GALNT13: variants seen among roughly 807,000 people sequenced by gnomAD.
The protein encoded by GALNT13 is polypeptide N-acetylgalactosaminyltransferase 13.
Under a neutral mutation model 64.2 loss-of-function variants are expected in GALNT13, and 28 were observed. That is an observed-to-expected ratio of 0.44 (90% CI 0.32 to 0.60). The LOEUF is 0.60. GALNT13 is among the 20% of genes least tolerant of loss of function. The pLI is 0.05. For synonymous variants in GALNT13, 214 were observed against 224.6 expected (o/e 0.95, Z 0.42); for missense variants, 577 against 669.8 (o/e 0.86, Z 1.53).
the GALNT13 span, among the ~76,000 whole-genome samples, chr2:153,537,911 T>C: frequency 6.6e-6 from 1 of 152,230 alleles, no homozygotes; most frequent in African/African-American, 2.4e-5. Flanking sequence ...CTCAGGCAGT[T>C]CTTTATAGCA....
the GALNT13 span, among the ~76,000 whole-genome samples, chr2:153,583,933 A>G: frequency 2.0e-5 from 3 of 152,086 alleles, no homozygotes; most frequent in East Asian, 1.9e-4. Context: ...GCGGAAGGAG[A>G]GTTGCTATGA....
At chr2:153,977,803 G>C (rs1410704012) in intron 3 of GALNT13, among the ~76,000 whole-genome samples, 1 of 151,874 alleles carries the variant, frequency 6.6e-6, no homozygotes, top group African/African-American at 2.4e-5. Flanking sequence ...TTAAAATTAA[G>C]GTCCAAAATG....
chr2:154,365,252 A>T (rs1187622162), intron 9 of GALNT13, among the ~76,000 whole-genome samples: 2 of 152,148 alleles, frequency 1.3e-5, no homozygotes, highest in Admixed American at 1.3e-4. Context: ...CTAAGAATAG[A>T]TACGTTTTTT....
At chr2:153,754,598 A>G in the GALNT13 span, among the ~76,000 whole-genome samples, 1 of 152,214 alleles carries the variant, frequency 6.6e-6, no homozygotes, top group South Asian at 2.1e-4. Context: ...GCTCTGCTCA[A>G]GTAGTAGGAA....
At chr2:153,381,206 C>T in the GALNT13 span, among the ~76,000 whole-genome samples, 2 of 152,062 alleles carry the variant, frequency 1.3e-5, no homozygotes, top group Admixed American at 6.6e-5. Flanking sequence ...CTCATCCTCC[C>T]GAAGTGCTGG....
intron 3 of GALNT13, among the ~76,000 whole-genome samples, chr2:153,963,302 A>C (rs1224037284): frequency 2.6e-5 from 4 of 152,214 alleles, no homozygotes; most frequent in Non-Finnish European, 4.4e-5. Context: ...TGGATGGAGT[A>C]CAATTATCTT....
chr2:153,744,147 G>T, the GALNT13 span, among the ~76,000 whole-genome samples: 1 of 152,088 alleles, frequency 6.6e-6, no homozygotes, highest in Non-Finnish European at 1.5e-5. Flanking sequence ...TGGGAGTATA[G>T]CCATCTATTC....
chr2:153,617,563 T>C, the GALNT13 span, among the ~76,000 whole-genome samples: 3 of 152,136 alleles, frequency 2.0e-5, no homozygotes, highest in South Asian at 4.1e-4. Context: ...ATCAGAGTAA[T>C]ACTGGCCTTG....
intron 3 of GALNT13, among the ~76,000 whole-genome samples, chr2:153,965,964 A>ATGAGTGAC (rs767754892): frequency 3.9e-5 from 6 of 152,014 alleles, no homozygotes; most frequent in Non-Finnish European, 8.8e-5. Context: ...TACTACATAT[A>ATGAGTGAC]TGAGTGACAG....
chr2:153,727,217 G>A, the GALNT13 span, among the ~76,000 whole-genome samples: 1 of 152,086 alleles, frequency 6.6e-6, no homozygotes. Context: ...TATTGGTTTT[G>A]CCTGTTTGGG....
At chr2:153,419,161 A>G in the GALNT13 span, among the ~76,000 whole-genome samples, 1 of 152,198 alleles carries the variant, frequency 6.6e-6, no homozygotes, top group Admixed American at 6.5e-5. Context: ...GAAACTTACA[A>G]TCATGGTGGA....
the GALNT13 span, among the ~76,000 whole-genome samples, chr2:153,413,276 A>G: frequency 6.6e-6 from 1 of 152,144 alleles, no homozygotes; most frequent in African/African-American, 2.4e-5. Context: ...GATACTATCT[A>G]TACAGGTCAG....
At chr2:154,132,569 C>T (rs1195643966) in intron 3 of GALNT13, among the ~76,000 whole-genome samples, 1 of 152,064 alleles carries the variant, frequency 6.6e-6, no homozygotes, top group Non-Finnish European at 1.5e-5. Context: ...CACAAACACA[C>T]ATGCATATAC....
At chr2:153,704,731 A>G in the GALNT13 span, among the ~76,000 whole-genome samples, 22 of 152,180 alleles carry the variant, frequency 1.4e-4, no homozygotes, top group Admixed American at 1.4e-3. Flanking sequence ...CTTATTTCCA[A>G]TCAGATAGAA....
chr2:153,490,443 C>T, the GALNT13 span, among the ~76,000 whole-genome samples: 1 of 152,042 alleles, frequency 6.6e-6, no homozygotes, highest in Non-Finnish European at 1.5e-5. Flanking sequence ...TGCAGTGGCA[C>T]AATCTTGGCT....
chr2:153,872,893 C>G (rs190493116), intron 1 of GALNT13, among the ~76,000 whole-genome samples: 1 of 152,250 alleles, frequency 6.6e-6, no homozygotes, highest in East Asian at 1.9e-4. Flanking sequence ...GCCTCTGTTT[C>G]TCTTTCTGAG....
chr2:153,459,863 G>A, the GALNT13 span, among the ~76,000 whole-genome samples: 9 of 152,064 alleles, frequency 5.9e-5, no homozygotes, highest in Non-Finnish European at 1.2e-4. Flanking sequence ...AATAAGGAGA[G>A]CATAATGAAA....
At chr2:154,364,626 G>A (rs1697258842) in intron 9 of GALNT13, among the ~76,000 whole-genome samples, 1 of 151,466 alleles carries the variant, frequency 6.6e-6, no homozygotes, top group Admixed American at 6.6e-5. Flanking sequence ...ATTGAGTATT[G>A]TTATCCTTCA....
intron 11 of GALNT13, among the ~76,000 whole-genome samples, chr2:154,422,278 A>G (rs1170640742): frequency 6.6e-6 from 1 of 152,178 alleles, no homozygotes; most frequent in Non-Finnish European, 1.5e-5. Flanking sequence ...GACACTGTGA[A>G]TTCAGCCAAA....
Sources: allele counts gnomAD v4.1 joint callset (sites outside exome capture counted in the v4.1 genomes callset), GRCh38; gene constraint gnomAD v4.1.1; transcripts MANE v1.5; gene names NCBI Gene and HGNC (gene_info 2026-07-23, HGNC 2026-07-21).